The following HSD17B2 variants were observed in gnomAD, a reference collection of about 807,000 sequenced individuals.
HSD17B2 encodes hydroxysteroid 17-beta dehydrogenase 2.
Under a neutral mutation model 26.9 loss-of-function variants are expected in HSD17B2, and 32 were observed. That is an observed-to-expected ratio of 1.19 (90% CI 0.90 to 1.60). The LOEUF is 1.60. Among genes scored for constraint, HSD17B2 ranks in the 40% most tolerant of loss-of-function variants. The pLI, the probability that HSD17B2 is intolerant of heterozygous loss-of-function variation, is 0.00. For synonymous variants in HSD17B2, 246 were observed against 186.7 expected (o/e 1.32, Z -2.59); for missense variants, 613 against 468.6 (o/e 1.31, Z -2.85).
intron 3 of HSD17B2, among the ~76,000 whole-genome samples, chr16:82,079,348 G>A (rs1334875116): frequency 3.3e-5 from 5 of 152,140 alleles, no homozygotes; most frequent in African/African-American, 9.7e-5. Flanking sequence ...GGCAGGGTTG[G>A]TTTCTCCTGA....
At chr16:82,091,068 T>A (rs375722811) in intron 4 of HSD17B2, 29 bp downstream of exon 4, 1 of 1,612,540 alleles carries the variant, frequency 6.2e-7, no homozygotes, top group Non-Finnish European at 8.5e-7. Context: ...GAACCTGTGA[T>A]GTTCATCCTG....
At chr16:82,065,328 G>C (rs143232402) in intron 1 of HSD17B2, among the ~76,000 whole-genome samples, 1 of 152,294 alleles carries the variant, frequency 6.6e-6, no homozygotes, top group East Asian at 1.9e-4. Context: ...GAGAGCAGCA[G>C]ATACCCTGAT....
intron 1 of HSD17B2, among the ~76,000 whole-genome samples, chr16:82,051,074 G>T (rs1914092045): frequency 1.3e-5 from 2 of 152,106 alleles, no homozygotes; most frequent in Admixed American, 1.3e-4. Context: ...CAGGCTTTAA[G>T]TCTCCAGGTG....
intron 3 of HSD17B2, among the ~76,000 whole-genome samples, chr16:82,087,517 G>A (rs1447507654): frequency 2.0e-5 from 3 of 152,160 alleles, no homozygotes; most frequent in African/African-American, 7.2e-5. Flanking sequence ...GTAAGACATG[G>A]TCTAATATTG....
intron 1 of HSD17B2, among the ~76,000 whole-genome samples, chr16:82,036,304 C>T (rs1448758208): frequency 1.4e-5 from 2 of 143,348 alleles, no homozygotes; most frequent in African/African-American, 2.6e-5. Flanking sequence ...AGCTGAGCTG[C>T]CAGTTTTTCC....
chr16:82,048,073 T>A (rs1227567488), intron 1 of HSD17B2, among the ~76,000 whole-genome samples: 1 of 152,126 alleles, frequency 6.6e-6, no homozygotes, highest in East Asian at 1.9e-4. Flanking sequence ...CCAAATTAAA[T>A]TGGAGAAATG....
At chr16:82,082,411 T>C (rs558447314) in intron 3 of HSD17B2, among the ~76,000 whole-genome samples, 1 of 152,312 alleles carries the variant, frequency 6.6e-6, no homozygotes, top group South Asian at 2.1e-4. Flanking sequence ...TTTTTGAATA[T>C]GCATATGAAT....
At chr16:82,071,715 A>G (rs1229086580) in intron 3 of HSD17B2, 1 of 163,828 alleles carries the variant, frequency 6.1e-6, no homozygotes, top group Non-Finnish European at 1.3e-5. Flanking sequence ...TTGCCTTTTC[A>G]TAAAAAATGC....
intron 4 of HSD17B2, chr16:82,097,204 GTATA>G (rs1567595392): frequency 7.2e-6 from 1 of 138,912 alleles, no homozygotes; most frequent in African/African-American, 2.7e-5. Context: ...AAATTTCTGT[GTATA>G]TGTCTATGTC....
chr16:82,087,349 G>T (rs1904556723), intron 3 of HSD17B2, among the ~76,000 whole-genome samples: 1 of 152,184 alleles, frequency 6.6e-6, no homozygotes, highest in African/African-American at 2.4e-5. Context: ...TAACTGGACA[G>T]ACAATGAAGG....
Position 82,035,429 on chromosome 16 carries a change from G to A in HSD17B2, c.5G>A (p.Ser2Asn). 3 of 1,610,298 alleles carry A rather than the reference G, an allele frequency of 1.9e-6. No homozygotes were observed. Among genetic ancestry groups the A allele is most frequent in the South Asian group, 1.1e-5 (1 of 90,962 alleles). M[S>N]TFFSDTAWIC... is the part of the protein sequence containing the mutation. ...AGGTGCAGCAAGTCACTGAGAATGA[G>A]CACTTTCTTCTCGGACACAGCATGG... Residue 2 changes from serine (S) to asparagine (N), a missense_variant, in exon 1 of 5, where the codon AGC (serine) becomes AAC (asparagine). Coordinates refer to ENST00000199936, the MANE Select transcript of HSD17B2 (RefSeq NM_002153.3).
intron 2 of HSD17B2, 78 bp downstream of exon 2, chr16:82,068,460 C>T (rs1914624590): frequency 9.6e-6 from 11 of 1,150,886 alleles, no homozygotes; most frequent in African/African-American, 1.5e-5. Context: ...GCTGAACATG[C>T]CCCCCCACTC....
chr16:82,043,520 T>C (rs1178453460), intron 1 of HSD17B2, among the ~76,000 whole-genome samples: 1 of 141,958 alleles, frequency 7.0e-6, no homozygotes, highest in Admixed American at 6.7e-5. Context: ...CCGCCTCTAC[T>C]AAAAATAGAA....
At chr16:82,090,126 C>T (rs984010491) in intron 3 of HSD17B2, 12 of 556,054 alleles carry the variant, frequency 2.2e-5, no homozygotes, top group Non-Finnish European at 2.5e-5. Context: ...TGTTATTCCT[C>T]GTTGCAACAA....
intron 1 of HSD17B2, among the ~76,000 whole-genome samples, chr16:82,040,297 C>T (rs1460640600): frequency 3.3e-5 from 5 of 152,158 alleles, no homozygotes. Context: ...TTGGATTTCA[C>T]GTTAGATTAT....
chr16:82,049,967 T>C (rs1324789155), intron 1 of HSD17B2, among the ~76,000 whole-genome samples: 2 of 152,220 alleles, frequency 1.3e-5, no homozygotes, highest in Non-Finnish European at 2.9e-5. Context: ...TTTTAAAAAA[T>C]AATGATGCTT....
chr16:82,047,762 A>T (rs1913979177), intron 1 of HSD17B2, among the ~76,000 whole-genome samples: 1 of 152,218 alleles, frequency 6.6e-6, no homozygotes, highest in Admixed American at 6.5e-5. Context: ...GGCTCTCATC[A>T]TATGCCCTTT....
intron 3 of HSD17B2, among the ~76,000 whole-genome samples, chr16:82,084,080 G>C (rs1291590754): frequency 6.6e-6 from 1 of 152,162 alleles, no homozygotes; most frequent in African/African-American, 2.4e-5. Flanking sequence ...AGGCCTCAGA[G>C]ATTTTGTGTC....
intron 3 of HSD17B2, among the ~76,000 whole-genome samples, chr16:82,089,231 C>A (rs542757367): frequency 2.0e-5 from 3 of 152,208 alleles, no homozygotes; most frequent in Admixed American, 2.0e-4. Flanking sequence ...AGTACATACC[C>A]TTTTGTGTTT....
Sources: gnomAD v4.1 joint callset for allele counts (sites outside exome capture counted in the v4.1 genomes callset) on GRCh38, gnomAD v4.1.1 for gene constraint, MANE v1.5 for transcripts, NCBI Gene and HGNC (gene_info 2026-07-23, HGNC 2026-07-21) for gene names.